Variants in ADAMTS16 observed in about 807,000 individuals in gnomAD.
The protein encoded by ADAMTS16 is A disintegrin and metalloproteinase with thrombospondin motifs 16.
In ADAMTS16, 94 loss-of-function variants were observed where a neutral mutation model predicts 145.8. That is an observed-to-expected ratio of 0.64 (90% confidence interval 0.55 to 0.77). The LOEUF is 0.77. ADAMTS16 is among the 30% of genes least tolerant of loss of function. The pLI, the probability that ADAMTS16 is intolerant of heterozygous loss-of-function variation, is 0.00. For synonymous variants in ADAMTS16, 659 were observed against 604.3 expected (o/e 1.09, Z -1.33); for missense variants, 1,585 against 1,591.5 (o/e 1.00, Z 0.07).
At chr5:5,149,372 A>G (rs1415168599) in intron 3 of ADAMTS16, among the ~76,000 whole-genome samples, 1 of 152,180 alleles carries the variant, frequency 6.6e-6, no homozygotes, top group Non-Finnish European at 1.5e-5. Flanking sequence ...TAAATAATGG[A>G]TAGACTTAGA....
chr5:5,245,570 T>C (rs1391564761), intron 17 of ADAMTS16, among the ~76,000 whole-genome samples: 1 of 152,212 alleles, frequency 6.6e-6, no homozygotes, highest in Non-Finnish European at 1.5e-5. Flanking sequence ...AAATCATCTT[T>C]TTCTTAGCTC....
chr5:5,148,355 C>G (rs10462802), intron 3 of ADAMTS16, among the ~76,000 whole-genome samples: 1 of 152,004 alleles, frequency 6.6e-6, no homozygotes, highest in African/African-American at 2.4e-5. Flanking sequence ...AGCCCAGGGG[C>G]GATCACTTTG....
At chr5:5,245,194 G>A (rs1737402636) in intron 17 of ADAMTS16, among the ~76,000 whole-genome samples, 1 of 152,114 alleles carries the variant, frequency 6.6e-6, no homozygotes, top group Non-Finnish European at 1.5e-5. Context: ...GCTTCATTAG[G>A]TGTATCCCAT....
At chr5:5,314,972 T>C (rs1007019971) in intron 21 of ADAMTS16, among the ~76,000 whole-genome samples, 4 of 152,130 alleles carry the variant, frequency 2.6e-5, no homozygotes, top group Non-Finnish European at 5.9e-5. Flanking sequence ...ACTGGGGAGG[T>C]GGGCGATTGT....
chr5:5,213,848 G>A (rs1285475345), intron 10 of ADAMTS16, among the ~76,000 whole-genome samples: 1 of 152,162 alleles, frequency 6.6e-6, no homozygotes, highest in Non-Finnish European at 1.5e-5. Flanking sequence ...TAGGACACCT[G>A]GAATCTCCTA....
intron 6 of ADAMTS16, 139 bp from the exon 7 acceptor site, chr5:5,189,832 C>A: frequency 1.0e-6 from 1 of 963,820 alleles, no homozygotes. Flanking sequence ...ACGTAAAATA[C>A]ACGCGTTAGC....
At chr5:5,289,715 C>T (rs1461713082) in intron 18 of ADAMTS16, among the ~76,000 whole-genome samples, 5 of 152,234 alleles carry the variant, frequency 3.3e-5, no homozygotes. Context: ...AATAAGGTTT[C>T]ATCAGAACAG....
At chr5:5,241,075 G>GA (rs1737275635) in intron 16 of ADAMTS16, among the ~76,000 whole-genome samples, 1 of 152,000 alleles carries the variant, frequency 6.6e-6, no homozygotes, top group South Asian at 2.1e-4. Context: ...GCTTATACCT[G>GA]TCCCACAACA....
intron 22 of ADAMTS16, among the ~76,000 whole-genome samples, chr5:5,318,762 C>T (rs1296453838): frequency 6.6e-6 from 1 of 152,134 alleles, no homozygotes; most frequent in African/African-American, 2.4e-5. Context: ...ATTCAGTCAA[C>T]AGAGGCTCCA....
chr5:5,144,366 T>C (rs548541699), intron 2 of ADAMTS16, among the ~76,000 whole-genome samples: 1 of 152,188 alleles, frequency 6.6e-6, no homozygotes, highest in South Asian at 2.1e-4. Flanking sequence ...GAAAGCTCAT[T>C]ATTTGATCAA....
At chr5:5,148,923 G>A in intron 3 of ADAMTS16, among the ~76,000 whole-genome samples, 1 of 152,122 alleles carries the variant, frequency 6.6e-6, no homozygotes, top group East Asian at 1.9e-4. Context: ...TTGCTGGTAG[G>A]TGGAGAGTGT....
At chr5:5,221,636 G>T (rs1736608596) in intron 10 of ADAMTS16, among the ~76,000 whole-genome samples, 2 of 152,342 alleles carry the variant, frequency 1.3e-5, no homozygotes, top group South Asian at 4.1e-4. Context: ...GTTTATTAGT[G>T]AAGGAGATAT....
chr5:5,311,725 G>GT (rs70965937), intron 21 of ADAMTS16, among the ~76,000 whole-genome samples: 11,152 of 149,050 alleles, frequency 0.075, 495 homozygotes, highest in South Asian at 0.12. Context: ...TTTTGTTTTT[G>GT]TTTTTTTTGG....
rs1734198311 is a variant in ADAMTS16 at position 5,319,514 on chromosome 5, G to C, written c.*376G>C. ...AATGTCTGGTGCCTTAGAAAAAGAA[G>C]GAAAGGCCATGAAATAAGGAAAACA... On this transcript the variant is annotated 3_prime_UTR_variant, in exon 23 of 23. Transcript: ENST00000274181. 1 of 294,912 alleles carries C rather than the reference G, an allele frequency of 3.4e-6. No homozygotes were observed. The highest frequency in any genetic ancestry group is 2.2e-5 in the African/African-American group (1 of 44,892). The allele number at this position is 294,912 out of a possible 1,614,324, so 18.3% of individuals were successfully genotyped here.
intron 12 of ADAMTS16, among the ~76,000 whole-genome samples, chr5:5,232,719 T>C (rs67447053): frequency 0.23 from 34,127 of 150,372 alleles, 4,566 homozygotes; most frequent in Middle Eastern, 0.35. Context: ...TTCTCCTGCC[T>C]CAGCCTCCCA....
At chr5:5,162,397 T>C (rs1734763060) in intron 3 of ADAMTS16, among the ~76,000 whole-genome samples, 1 of 152,228 alleles carries the variant, frequency 6.6e-6, no homozygotes, top group Non-Finnish European at 1.5e-5. Flanking sequence ...AACCACAGCA[T>C]GGCTATGGGA....
chr5:5,192,396 A>G (rs1735686584), intron 8 of ADAMTS16, among the ~76,000 whole-genome samples: 2 of 152,148 alleles, frequency 1.3e-5, no homozygotes, highest in Admixed American at 1.3e-4. Context: ...ATGATGAAGA[A>G]CAGTGTCAAC....
At chr5:5,259,906 G>T (rs1209709811) in intron 17 of ADAMTS16, among the ~76,000 whole-genome samples, 3 of 151,818 alleles carry the variant, frequency 2.0e-5, no homozygotes, top group East Asian at 3.9e-4. Flanking sequence ...CCCTTTCAAA[G>T]GCTGCCCTGA....
chr5:5,299,572 C>T (rs965142863), intron 18 of ADAMTS16, among the ~76,000 whole-genome samples: 3 of 151,932 alleles, frequency 2.0e-5, no homozygotes, highest in Non-Finnish European at 2.9e-5. Flanking sequence ...AAAGACTGTT[C>T]GGCATTAGGG....
Sources: allele counts gnomAD v4.1 joint callset (sites outside exome capture counted in the v4.1 genomes callset), GRCh38; gene constraint gnomAD v4.1.1; transcripts MANE v1.5; gene names NCBI Gene and HGNC (gene_info 2026-07-23, HGNC 2026-07-21).